GFOD1: variants seen among roughly 807,000 people sequenced by gnomAD.
GFOD1 encodes the protein glucose-fructose oxidoreductase domain-containing protein 1.
GFOD1 carries 9 observed loss-of-function variants against 25.4 expected under a neutral mutation model. The ratio of observed to expected loss-of-function variants is 0.35; its 90% CI spans 0.21 to 0.62. The LOEUF (loss-of-function observed/expected upper bound fraction) is 0.62. Among genes scored for constraint, GFOD1 ranks in the 20% least tolerant of loss-of-function variants. The pLI is 0.72. For synonymous variants in GFOD1, 253 were observed against 245.6 expected, an observed-to-expected ratio of 1.03 and a Z score of -0.28; for missense variants, 403 against 556.9, an observed-to-expected ratio of 0.72 and a Z score of 2.78.
intron 1 of GFOD1, among the ~76,000 whole-genome samples, chr6:13,441,520 ATAG>A (rs1757916093): frequency 6.6e-6 from 1 of 152,232 alleles, no homozygotes; most frequent in African/African-American, 2.4e-5. Flanking sequence ...AATTGGTAAG[ATAG>A]TAGATTTTGA....
At position 13,364,768 on chromosome 6, in the gene GFOD1, C is replaced by T. The variant is rs1352381395; in HGVS notation, c.1148G>A (p.Arg383His). The T allele has an allele frequency of 1.9e-6, 3 of 1,612,932 alleles. No homozygotes were observed. The highest frequency in any genetic ancestry group is 2.2e-5 in the East Asian group (1 of 44,864). ...CTAACAGTAGAGGGACATCCTGCTGCGGCGCATGGCCTCGCTGATCAGGTA... is the reference window on the plus strand; with the variant it reads ...CTAACAGTAGAGGGACATCCTGCTGTGGCGCATGGCCTCGCTGATCAGGTA... The part of the protein sequence containing the change: ...PAYLISEAMR[R>H]SRMSLYC Residue 383 changes from arginine to histidine, a missense_variant, in exon 2 of 2, where the codon CGC becomes CAC. Physicochemically the swap from Arg to His is conservative, Grantham distance 29 (BLOSUM62 0). Coordinates refer to ENST00000379287, the MANE Select transcript of GFOD1 (RefSeq NM_018988.4). The surrounding 1 kb of genome is among the most constrained non-coding windows in gnomAD (Gnocchi z 4.1).
intron 1 of GFOD1, among the ~76,000 whole-genome samples, chr6:13,394,821 T>A (rs1785694749): frequency 6.6e-6 from 1 of 151,810 alleles, no homozygotes; most frequent in Non-Finnish European, 1.5e-5. Flanking sequence ...TTAGTAGAGA[T>A]GGCGTTTCAC....
intron 1 of GFOD1, among the ~76,000 whole-genome samples, chr6:13,400,339 C>T (rs1390605732): frequency 6.6e-6 from 1 of 152,218 alleles, no homozygotes; most frequent in Admixed American, 6.5e-5. Flanking sequence ...AGCTCAGCAA[C>T]TTGAAGAGTT....
intron 1 of GFOD1, among the ~76,000 whole-genome samples, chr6:13,403,567 G>A (rs1785890672): frequency 1.3e-5 from 2 of 152,180 alleles, no homozygotes; most frequent in Non-Finnish European, 2.9e-5. Context: ...TTGTGTATCT[G>A]TAAAAATGTA....
intron 1 of GFOD1, chr6:13,486,257 C>CCCCCCCCCCCCCCCCCA (rs1554207083): frequency 3.6e-6 from 1 of 276,728 alleles, no homozygotes; most frequent in African/African-American, 2.9e-5. Context: ...TCCCCCCCCC[C>CCCCCCCCCCCCCCCCCA]CACACACACA....
chr6:13,377,173 G>A (rs982788064), intron 1 of GFOD1, among the ~76,000 whole-genome samples: 5 of 152,106 alleles, frequency 3.3e-5, no homozygotes, highest in African/African-American at 1.2e-4. Context: ...CAGTTAGATG[G>A]CATGTACATC....
At chr6:13,384,465 A>T in intron 1 of GFOD1, among the ~76,000 whole-genome samples, 1 of 152,280 alleles carries the variant, frequency 6.6e-6, no homozygotes, top group Non-Finnish European at 1.5e-5. Flanking sequence ...TCTATTCCAG[A>T]ATGTCTGCGT....
Position 13,430,690 on chromosome 6 carries a change from A to G in GFOD1, c.253+55948T>C, listed in dbSNP as rs1459241286. ...TGGCAGGAGTAGTGGGACAGCGGGT[A>G]GGGAAAAGTATCCTTGTGGCCTCCA... is the stretch of plus-strand genomic sequence containing the variant. On this transcript the variant is annotated intron_variant, in intron 1 of 1. Transcript: ENST00000379287. This position sits in a 1 kb window ranked among gnomAD's most constrained non-coding sequence, Gnocchi z 4.1. Among the ~76,000 whole-genome samples, 2 of 152,098 alleles carry G rather than the reference A, an allele frequency of 1.3e-5. No homozygotes were observed. The highest frequency in any genetic ancestry group is 3.2e-3 in the Middle Eastern group (1 of 316).
chr6:13,470,180 C>A, intron 1 of GFOD1: 1 of 1,556,766 alleles, frequency 6.4e-7, no homozygotes, highest in Non-Finnish European at 8.7e-7. Flanking sequence ...CCAGCACCTG[C>A]GCGCGATGAA....
In GFOD1 at chr6:13,384,819, G is replaced by A. The variant is rs149823632; in HGVS notation, c.254-19157C>T. 6.4e-4 allele frequency among the ~76,000 whole-genome samples: 97 copies of A among 152,268 alleles called. 1 individual carries two copies. The East Asian group carries it at 0.011, about 17-fold the overall frequency. ...CAATTGCCTCTTAAAGGGCTTTTGC[G>A]TACAAATGAAGATAGAAAATTTAGG... On this transcript the variant is annotated intron_variant, in intron 1 of 1. Coordinates refer to ENST00000379287, the MANE Select transcript of GFOD1 (RefSeq NM_018988.4).
At chr6:13,403,840 A>T (rs1436810613) in intron 1 of GFOD1, among the ~76,000 whole-genome samples, 3 of 152,206 alleles carry the variant, frequency 2.0e-5, no homozygotes, top group Admixed American at 2.0e-4. Flanking sequence ...AAACAGAAAA[A>T]ATAGTGGTTG....
chr6:13,448,384 C>A (rs1584658282), intron 1 of GFOD1, among the ~76,000 whole-genome samples: 1 of 152,146 alleles, frequency 6.6e-6, no homozygotes, highest in Non-Finnish European at 1.5e-5. Flanking sequence ...AAGGGAGCCC[C>A]TCCTCCCAAT....
chr6:13,478,148 T>A (rs891166620), intron 1 of GFOD1, among the ~76,000 whole-genome samples: 2 of 152,160 alleles, frequency 1.3e-5, no homozygotes, highest in Non-Finnish European at 1.5e-5. Flanking sequence ...TTGTTGTTTT[T>A]GTTTTGAGAC....
At chr6:13,374,170 C>T (rs1244869635) in intron 1 of GFOD1, among the ~76,000 whole-genome samples, 1 of 152,092 alleles carries the variant, frequency 6.6e-6, no homozygotes, top group Admixed American at 6.6e-5. Context: ...AGCAACTTGC[C>T]TCTGATTCCA....
intron 1 of GFOD1, among the ~76,000 whole-genome samples, chr6:13,468,978 C>T (rs1008317284): frequency 1.3e-5 from 2 of 152,220 alleles, no homozygotes; most frequent in South Asian, 2.1e-4. Flanking sequence ...GGAGCCCTTG[C>T]TACTGCTGTC....
chr6:13,391,794 T>G (rs1785619696), intron 1 of GFOD1, among the ~76,000 whole-genome samples: 1 of 152,198 alleles, frequency 6.6e-6, no homozygotes, highest in Admixed American at 6.5e-5. Flanking sequence ...GGTATCGACT[T>G]CATTGGAGTG....
At chr6:13,474,864 T>A (rs766384829) in intron 1 of GFOD1, among the ~76,000 whole-genome samples, 4 of 152,202 alleles carry the variant, frequency 2.6e-5, no homozygotes, top group Non-Finnish European at 4.4e-5. Context: ...GCCCCAGGCA[T>A]GAGCACCCCT....
At chr6:13,447,146 A>T (rs933755256) in intron 1 of GFOD1, among the ~76,000 whole-genome samples, 4 of 152,158 alleles carry the variant, frequency 2.6e-5, no homozygotes, top group African/African-American at 7.2e-5. Flanking sequence ...CAATAAACAG[A>T]GTTATTGTCT....
At chr6:13,445,877 C>T (rs768149089) in intron 1 of GFOD1, among the ~76,000 whole-genome samples, 9 of 152,210 alleles carry the variant, frequency 5.9e-5, no homozygotes, top group Non-Finnish European at 5.9e-5. Flanking sequence ...CTACACCTCT[C>T]AGGTGGACGC....
Sources: allele counts gnomAD v4.1 joint callset (sites outside exome capture counted in the v4.1 genomes callset), GRCh38; gene constraint gnomAD v4.1.1; non-coding constraint Gnocchi (gnomAD v3.1); transcripts MANE v1.5; gene names NCBI Gene and HGNC (gene_info 2026-07-23, HGNC 2026-07-21).